Variants in TRRAP observed in about 807,000 individuals in gnomAD.
TRRAP encodes the protein transformation/transcription domain associated protein.
A neutral mutation model predicts 438.8 loss-of-function variants in TRRAP; 41 were observed. The ratio of observed to expected loss-of-function variants is 0.09; its 90% CI spans 0.07 to 0.12. The LOEUF (loss-of-function observed/expected upper bound fraction) is 0.12. Ranked by LOEUF, TRRAP falls within the 10% of genes least tolerant of loss-of-function variation. The probability of loss-of-function intolerance (pLI) is 1.00; values close to 1 mark genes in which losing one functional copy is unlikely to be tolerated. For synonymous variants in TRRAP, 1,994 were observed against 1,962.9 expected (o/e 1.02, Z -0.42); for missense variants, 3,122 against 5,055.1 (o/e 0.62, Z 11.60).
rs1476859367 is a variant in TRRAP at position 99,012,145 on chromosome 7, C to G, written c.11412C>G (p.Ser3804=). The G allele has an allele frequency of 4.3e-6, 7 of 1,614,094 alleles. No individual in the cohort carries two copies. The highest frequency in any genetic ancestry group is 5.1e-6 in the Non-Finnish European group (6 of 1,180,048). ...ACAAAAAAACACAAGAGGACACGTC[C>G]TCTCCTCTCTCGGCCGCCGGGCAGC... ...AWHKKTQEDT[S]SPLSAAGQPE... is the part of the protein sequence containing the mutation. The change falls in exon 73 of 73, where the codon TCC becomes TCG. Residue 3804 remains serine (S), a synonymous_variant. Transcript: ENST00000456197. This position sits in a 1 kb window ranked among gnomAD's most constrained non-coding sequence, Gnocchi z 5.9.
rs1241048692 is a variant in TRRAP, at chr7:99,012,331, C to T, written c.11598C>T (p.Asp3866=). The T allele has an allele frequency of 1.2e-6, 2 of 1,605,040 alleles. No individual in the cohort carries two copies. The highest frequency in any genetic ancestry group is 2.7e-5 in the African/African-American group (2 of 74,666). Residue 3866 remains aspartate (D), a synonymous_variant, in exon 73 of 73, where the codon GAC becomes GAT. Transcript: ENST00000456197. The surrounding 1 kb of genome is among the most constrained non-coding windows in gnomAD (Gnocchi z 5.9). ...ANSLDNLCRM[D]PAWHPWL is the part of the protein sequence containing the mutation. ...GCCTGGACAATCTGTGCCGCATGGA[C>T]CCCGCCTGGCACCCCTGGCTGTGAC...
intron 11 of TRRAP, among the ~76,000 whole-genome samples, chr7:98,902,098 A>G (rs1326511129): frequency 5.3e-5 from 8 of 152,188 alleles, no homozygotes; most frequent in Admixed American, 5.2e-4. Context: ...TAAAGCAACT[A>G]TGCACATTTA....
At chr7:98,917,354 T>A (rs1344350345) in intron 19 of TRRAP, 69 bp from the exon 20 acceptor site, 1 of 1,567,786 alleles carries the variant, frequency 6.4e-7, no homozygotes, top group Admixed American at 1.8e-5. Flanking sequence ...GCAGTTCTTT[T>A]GTGTGTTTCA....
chr7:98,899,630 C>T (rs766540231), intron 9 of TRRAP, 49 bp from the exon 10 acceptor site: 26 of 1,607,438 alleles, frequency 1.6e-5, no homozygotes, highest in Admixed American at 6.7e-5. Context: ...CAGATTTTGT[C>T]GCCATAGCAG....
At chr7:98,897,714 A>G (rs1340209839) in intron 7 of TRRAP, 27 bp from the exon 8 acceptor site, 2 of 1,594,876 alleles carry the variant, frequency 1.3e-6, no homozygotes, top group Admixed American at 1.8e-5. Context: ...GACTTTAGGA[A>G]AAAATATTTT....
chr7:98,922,822 T>C (rs1562943002), intron 21 of TRRAP, among the ~76,000 whole-genome samples: 1 of 151,422 alleles, frequency 6.6e-6, no homozygotes, highest in Admixed American at 6.6e-5. Context: ...CTCCCTTTGC[T>C]CTGGCTAACT....
chr7:98,977,477 A>G (rs1440820160), intron 56 of TRRAP, among the ~76,000 whole-genome samples: 1 of 152,200 alleles, frequency 6.6e-6, no homozygotes, highest in African/African-American at 2.4e-5. Flanking sequence ...ACATTTAAAT[A>G]CGTTTTAAAG....
At chr7:98,955,325 G>T in intron 41 of TRRAP, 21 bp downstream of exon 41, 1 of 1,589,306 alleles carries the variant, frequency 6.3e-7, no homozygotes, top group Non-Finnish European at 8.6e-7. Context: ...GGGACGGTGG[G>T]CTGCGGGGCG....
intron 70 of TRRAP, among the ~76,000 whole-genome samples, chr7:99,009,885 T>C (rs1483814657): frequency 6.8e-6 from 1 of 146,098 alleles, no homozygotes; most frequent in Non-Finnish European, 1.5e-5. Flanking sequence ...CTTCTCTTTT[T>C]TTTTTTTTTT....
chr7:99,000,516 T>C (rs1048315505), intron 67 of TRRAP, among the ~76,000 whole-genome samples: 2 of 152,254 alleles, frequency 1.3e-5, no homozygotes, highest in Non-Finnish European at 2.9e-5. Flanking sequence ...TGCGAAACTC[T>C]TTTTCATTCT....
intron 27 of TRRAP, 100 bp downstream of exon 27, chr7:98,933,502 C>T (rs1189226907): frequency 6.1e-6 from 9 of 1,472,980 alleles, no homozygotes; most frequent in African/African-American, 5.6e-5. Flanking sequence ...TCAGAGAAGG[C>T]TCGGGCGGGG....
chr7:98,966,015 A>T (rs1209975393), intron 49 of TRRAP, 120 bp downstream of exon 49: 1 of 1,150,804 alleles, frequency 8.7e-7, no homozygotes, highest in Non-Finnish European at 1.2e-6. Flanking sequence ...TTGCACTCAC[A>T]GCATCTTTTC....
chr7:98,891,597 G>A (rs1379974477), intron 4 of TRRAP, among the ~76,000 whole-genome samples: 47 of 143,730 alleles, frequency 3.3e-4, no homozygotes, highest in Middle Eastern at 4.0e-3. Flanking sequence ...GTGCAGTGGC[G>A]CAGTCTCGGC....
At chr7:98,900,979 T>C (rs1475555749) in intron 11 of TRRAP, among the ~76,000 whole-genome samples, 1 of 152,272 alleles carries the variant, frequency 6.6e-6, no homozygotes, top group Non-Finnish European at 1.5e-5. Flanking sequence ...GAATGTCATC[T>C]AAATGGAAAT....
At chr7:98,904,253 G>A (rs1796611657) in intron 12 of TRRAP, among the ~76,000 whole-genome samples, 2 of 152,022 alleles carry the variant, frequency 1.3e-5, no homozygotes, top group African/African-American at 4.8e-5. Flanking sequence ...GGAGGCCGAG[G>A]CGAGCGGATC....
intron 63 of TRRAP, 31 bp downstream of exon 63, chr7:98,988,997 G>A (rs1229676373): frequency 1.3e-6 from 2 of 1,596,494 alleles, no homozygotes; most frequent in African/African-American, 1.3e-5. Flanking sequence ...TTTGACCAGA[G>A]GCCATCTGTC....
intron 18 of TRRAP, among the ~76,000 whole-genome samples, chr7:98,913,158 C>T (rs568898169): frequency 5.3e-5 from 8 of 152,250 alleles, no homozygotes; most frequent in South Asian, 4.1e-4. Flanking sequence ...TGTTCACCTG[C>T]GCATGTTTGC....
chr7:98,890,131 A>T (rs1371295388), intron 3 of TRRAP, among the ~76,000 whole-genome samples: 1 of 152,204 alleles, frequency 6.6e-6, no homozygotes, highest in African/African-American at 2.4e-5. Context: ...TAATAGGAAA[A>T]GTTAGCATTT....
At chr7:98,947,392 GTAAA>G (rs1447355588) in intron 33 of TRRAP, among the ~76,000 whole-genome samples, 107 of 151,928 alleles carry the variant, frequency 7.0e-4, no homozygotes, top group African/African-American at 2.1e-3. Context: ...AATTTCCAGG[GTAAA>G]TAGTTAATTT....
Sources: gnomAD v4.1 joint callset for allele counts (sites outside exome capture counted in the v4.1 genomes callset) on GRCh38, gnomAD v4.1.1 for gene constraint, Gnocchi (gnomAD v3.1) non-coding constraint, MANE v1.5 for transcripts, NCBI Gene and HGNC (gene_info 2026-07-23, HGNC 2026-07-21) for gene names.